RNF38: variants seen among roughly 807,000 people sequenced by gnomAD.
The protein encoded by RNF38 is E3 ubiquitin-protein ligase RNF38.
A neutral mutation model predicts 67.2 loss-of-function variants in RNF38; 15 were observed. The ratio of observed to expected loss-of-function variants is 0.22; its 90% CI spans 0.15 to 0.34. The LOEUF is 0.34. Among genes scored for constraint, RNF38 ranks in the 10% least tolerant of loss-of-function variants. RNF38 has a pLI of 1.00. For synonymous variants in RNF38, 220 were observed against 218.8 expected (o/e 1.01, Z -0.05); for missense variants, 524 against 639.9 (o/e 0.82, Z 1.95).
rs1200424318 is a variant in RNF38, at chr9:36,337,700, TTA to T, written c.*2050_*2051del. On this transcript the variant is annotated 3_prime_UTR_variant, in exon 12 of 12. Coordinates refer to ENST00000259605, the MANE Select transcript of RNF38 (RefSeq NM_022781.5). ...CTATATGTGATTTGTATGTAGCTGA[TTA>T]TTATGCCAAGAATTTTGGTCTTTAA... 1 of 152,626 alleles carries T rather than the reference TTA, an allele frequency of 6.6e-6. No homozygotes were observed. Among genetic ancestry groups the T allele is most frequent in the Non-Finnish European group, 1.5e-5 (1 of 68,028 alleles). 9.5% of individuals were successfully genotyped at this position (152,626 alleles called of 1,614,324 possible). A position where few individuals can be genotyped will look rare whatever the true frequency, so the allele number is the denominator to read the frequency against.
chr9:36,446,238 CT>C (rs887170993), intron 1 of RNF38, among the ~76,000 whole-genome samples: 3 of 152,166 alleles, frequency 2.0e-5, no homozygotes, highest in Admixed American at 1.3e-4. Flanking sequence ...GAATGTTACA[CT>C]GATTTGTATC....
chr9:36,339,344 G>A lies in RNF38; in HGVS notation c.*408C>T, dbSNP rs919087165. ...CTTATCACCAACAGTCATACGCTGC[G>A]CATTCATTTCCACTCACAGTTTCTG... On this transcript the variant is annotated 3_prime_UTR_variant, in exon 12 of 12. Transcript: ENST00000259605. 3.4e-5 allele frequency: 6 copies of A among 178,572 alleles called. No homozygotes were observed. Among genetic ancestry groups the A allele is most frequent in the Admixed American group, 5.5e-5 (1 of 18,070 alleles). The allele number at this position is 178,572 out of a possible 1,614,324, so 11.1% of individuals were successfully genotyped here.
At position 36,466,914 on chromosome 9, in the gene RNF38, A is replaced by G. The variant is rs372420567; in HGVS notation, n.241+20394T>C. Among the ~76,000 whole-genome samples the G allele has an allele frequency of 8.7e-4, 131 of 151,422 alleles. No homozygotes were observed. In the South Asian group the frequency reaches 9.4e-3, roughly 11 times the overall value. On this transcript the variant is annotated intron_variant and non_coding_transcript_variant, in intron 1 of 3. Transcript: ENST00000488058. ...TAAAGACAGCCAGTTGCGGTGGCTC[A>G]CACCTGTAATCACAGCACTTTGGGA...
Position 36,352,785 on chromosome 9 carries a change from T to C in RNF38, c.1135A>G (p.Ile379Val), listed in dbSNP as rs1212557981. ...CTGGGATGATAAGGGGGAGGTGGTA[T>C]TGGCTGCTGGGATCGGTATCTACTA... ...GRSRYRSQQP[I>V]PPPPYHPSLL... The change falls in exon 8 of 12, where the codon ATA becomes GTA. Residue 379 changes from isoleucine to valine, a missense_variant. Transcript: ENST00000259605. 7 of 1,613,968 alleles carry C rather than the reference T, an allele frequency of 4.3e-6. No individual in the cohort carries two copies. The highest frequency in any genetic ancestry group is 3.3e-5 in the Admixed American group (2 of 59,994).
intron 2 of RNF38, among the ~76,000 whole-genome samples, chr9:36,378,057 ATTTT>A (rs376691343): frequency 1.3e-5 from 2 of 151,330 alleles, no homozygotes; most frequent in Non-Finnish European, 2.9e-5. Context: ...AAATATTCTG[ATTTT>A]TTTTAAAAGG....
chr9:36,469,451 G>C (rs1839944724), intron 1 of RNF38, among the ~76,000 whole-genome samples: 1 of 151,944 alleles, frequency 6.6e-6, no homozygotes, highest in Non-Finnish European at 1.5e-5. Context: ...CCTGAGGTCG[G>C]GAGTTTGAGA....
In RNF38 at chr9:36,390,495, T is replaced by C; in HGVS notation, c.134A>G (p.Glu45Gly). Residue 45 changes from glutamate to glycine, a missense_variant, in exon 2 of 12, where the codon GAG becomes GGG. Glu to Gly is a moderately conservative substitution (Grantham distance 98). Around this residue, in one of 2 missense-constraint regions of RNF38, gnomAD observed 461 missense variants for 517.4 expected, o/e 0.89. Transcript: ENST00000259605. ...GAAGAAAGCTTTGAAGTGAGCATCC[T>C]CTTGAACGGTAGTGTTCTGATCACT... ...LPSDQNTTVQ[E>G]DAHFKAFFQS... The C allele has an allele frequency of 6.2e-7, 1 of 1,613,516 alleles. No homozygotes were observed. The highest frequency in any genetic ancestry group is 1.3e-5 in the African/African-American group (1 of 74,906).
At chr9:36,462,027 T>C (rs1564072046) in intron 1 of RNF38, among the ~76,000 whole-genome samples, 1 of 152,048 alleles carries the variant, frequency 6.6e-6, no homozygotes, top group Non-Finnish European at 1.5e-5. Flanking sequence ...AAAAAGTATA[T>C]GCAAAGGTAA....
chr9:36,484,953 T>A (rs1587228831), intron 1 of RNF38, among the ~76,000 whole-genome samples: 1 of 151,954 alleles, frequency 6.6e-6, no homozygotes, highest in South Asian at 2.1e-4. Context: ...GATCACGAGG[T>A]CAGGAGATCG....
chr9:36,460,051 A>G (rs1839690742), intron 1 of RNF38, among the ~76,000 whole-genome samples: 2 of 152,168 alleles, frequency 1.3e-5, no homozygotes, highest in Non-Finnish European at 2.9e-5. Context: ...ATGCTTCTTA[A>G]TATCTAAAAA....
intron 2 of RNF38, among the ~76,000 whole-genome samples, chr9:36,411,095 C>A (rs1838312883): frequency 6.9e-6 from 1 of 145,902 alleles, no homozygotes. Context: ...AGTGAAAATA[C>A]ATGTAAATCA....
At chr9:36,374,930 G>A (rs1428865634) in intron 3 of RNF38, among the ~76,000 whole-genome samples, 1 of 152,166 alleles carries the variant, frequency 6.6e-6, no homozygotes, top group Non-Finnish European at 1.5e-5. Context: ...ATTAATTGGG[G>A]AGGAGGGGTT....
chr9:36,395,452 T>C (rs1253706614), intron 1 of RNF38, among the ~76,000 whole-genome samples: 2 of 152,154 alleles, frequency 1.3e-5, no homozygotes, highest in African/African-American at 4.8e-5. Context: ...TTCTTCAGCA[T>C]ACCAACTGGT....
chr9:36,362,414 A>G (rs928816250), intron 4 of RNF38, among the ~76,000 whole-genome samples: 1 of 151,594 alleles, frequency 6.6e-6, no homozygotes, highest in Non-Finnish European at 1.5e-5. Context: ...ATTGTAAAAT[A>G]CTTTGTAAAA....
chr9:36,451,684 G>A (rs13293684), intron 1 of RNF38, among the ~76,000 whole-genome samples: 2 of 151,260 alleles, frequency 1.3e-5, no homozygotes, highest in African/African-American at 4.8e-5. Flanking sequence ...ATTTTTAGTA[G>A]AGACTGGGTT....
chr9:36,345,148 C>G (rs1205021017), intron 9 of RNF38, among the ~76,000 whole-genome samples, 195 bp from the exon 10 acceptor site: 1 of 152,104 alleles, frequency 6.6e-6, no homozygotes, highest in African/African-American at 2.4e-5. Context: ...TTCTGAGTAT[C>G]TGGAGCTACA....
intron 1 of RNF38, among the ~76,000 whole-genome samples, chr9:36,430,807 C>T (rs1838913552): frequency 6.6e-6 from 1 of 151,500 alleles, no homozygotes; most frequent in South Asian, 2.1e-4. Context: ...AGAATTCAGA[C>T]ATTCCGAATC....
At chr9:36,435,897 G>A (rs1839054598) in intron 1 of RNF38, among the ~76,000 whole-genome samples, 1 of 152,118 alleles carries the variant, frequency 6.6e-6, no homozygotes, top group Non-Finnish European at 1.5e-5. Context: ...CCAAAGTGCT[G>A]GGATTACAGG....
intron 4 of RNF38, among the ~76,000 whole-genome samples, chr9:36,359,240 T>C (rs1366800352): frequency 6.6e-6 from 1 of 152,138 alleles, no homozygotes; most frequent in Non-Finnish European, 1.5e-5. Context: ...TATCTTTTGA[T>C]GAGATCCTTT....
Sources: gnomAD v4.1 joint callset for allele counts (sites outside exome capture counted in the v4.1 genomes callset) on GRCh38, gnomAD v4.1.1 for gene constraint, gnomAD v4.1.1 regional missense constraint, MANE v1.5 for transcripts, NCBI Gene and HGNC (gene_info 2026-07-23, HGNC 2026-07-21) for gene names.